DEGS1: variants seen among roughly 807,000 people sequenced by gnomAD.
DEGS1 encodes the protein delta 4-desaturase, sphingolipid 1.
In DEGS1, 17 loss-of-function variants were observed where a neutral mutation model predicts 24.1. The observed-to-expected ratio is 0.70, with a 90% CI of 0.48 to 1.06. DEGS1 has a LOEUF of 1.06. Ranked by LOEUF, DEGS1 falls within the 50% of genes least tolerant of loss-of-function variation. DEGS1 has a pLI of 0.00. For synonymous variants in DEGS1, 134 were observed against 140.0 expected, an observed-to-expected ratio of 0.96 and a Z score of 0.30; for missense variants, 366 against 408.9, an observed-to-expected ratio of 0.90 and a Z score of 0.91.
In DEGS1 at chr1:224,186,570, G is replaced by A. The variant is rs539292805; in HGVS notation, c.83-3007G>A. ...CTACTAAAAATACAAAAAATTAGCC[G>A]GGCGTGGCGGCAGCCACCTGTAGTC... On this transcript the variant is annotated intron_variant, in intron 1 of 2. Transcript: ENST00000323699. Among the ~76,000 whole-genome samples, 8 of 152,074 alleles carry A rather than the reference G, an allele frequency of 5.3e-5. No individual in the cohort carries two copies. The East Asian group carries it at 1.4e-3, about 26-fold the overall frequency.
chr1:224,184,555 A>T (rs935950344), intron 1 of DEGS1, among the ~76,000 whole-genome samples: 1 of 152,004 alleles, frequency 6.6e-6, no homozygotes, highest in Non-Finnish European at 1.5e-5. Context: ...TCTGTTGCTC[A>T]TGCTGGAGTG....
chr1:224,189,933 G>A lies in DEGS1; in HGVS notation c.439G>A (p.Asp147Asn), dbSNP rs762972131. ...ADGVDVDIPT[D>N]FEGWFFCTAF... ...TGGCGTCGATGTAGATATTCCTACC[G>A]ATTTTGAGGGCTGGTTCTTCTGTAC... Residue 147 changes from aspartate (D) to asparagine (N), a missense_variant, in exon 2 of 3, where the codon GAT (aspartate) becomes AAT (asparagine). Asp to Asn is a conservative substitution (Grantham distance 23, BLOSUM62 1). Transcript: ENST00000323699. The A allele has an allele frequency of 1.1e-5, 18 of 1,614,164 alleles. No individual in the cohort carries two copies. The highest frequency in any genetic ancestry group is 1.4e-5 in the Non-Finnish European group (16 of 1,180,032).
Position 224,183,254 on chromosome 1 carries a change from G to A in DEGS1, c.-83G>A. 1.5e-6 allele frequency: 2 copies of A among 1,295,912 alleles called. No homozygotes were observed. The highest frequency in any genetic ancestry group is 1.0e-6 in the Non-Finnish European group (1 of 967,254). The allele number at this position is 1,295,912 out of a possible 1,614,324, so 80.3% of individuals were successfully genotyped here. ...AGCCGGCCGACACCACACCAGCCGG[G>A]GAGCCGCCGCCGCCGCCGCCACCTC... On this transcript the variant is annotated 5_prime_UTR_variant, in exon 1 of 3. Transcript: ENST00000323699.
Position 224,190,320 on chromosome 1 carries a change from G to GA in DEGS1, c.825+1_825+2insA. Reference sequence around the variant, plus strand: ...CATTCCTGGAAAAAGTCTTCCACTGGTAAGTAAAGGATTTGATACATATTC... The same window carrying GA: ...CATTCCTGGAAAAAGTCTTCCACTGGATAAGTAAAGGATTTGATACATATTC... On this transcript the variant is annotated splice_donor_variant, in intron 2 of 2. Transcript: ENST00000323699. LOFTEE classifies it high-confidence loss of function. 1 of 1,486,680 alleles carries GA rather than the reference G, an allele frequency of 6.7e-7. No individual in the cohort carries two copies. Among genetic ancestry groups the GA allele is most frequent in the Non-Finnish European group, 8.9e-7 (1 of 1,120,604 alleles). 92.1% of individuals were successfully genotyped at this position (1,486,680 alleles called of 1,614,324 possible).
At chr1:224,186,281 C>T (rs977017641) in intron 1 of DEGS1, among the ~76,000 whole-genome samples, 1 of 152,124 alleles carries the variant, frequency 6.6e-6, no homozygotes, top group Non-Finnish European at 1.5e-5. Context: ...GCGTTCCAGC[C>T]TGGGCAACAG....
chr1:224,183,529 C>T (rs1658290876), intron 1 of DEGS1, 111 bp downstream of exon 1: 3 of 811,256 alleles, frequency 3.7e-6, no homozygotes, highest in Admixed American at 4.5e-5. Flanking sequence ...CCGTTAGCAG[C>T]CTGCTCCCCG....
chr1:224,185,716 C>T (rs959466355), intron 1 of DEGS1, among the ~76,000 whole-genome samples: 2 of 152,068 alleles, frequency 1.3e-5, no homozygotes, highest in African/African-American at 4.8e-5. Context: ...CCACATTGGC[C>T]AGGCTGGTCT....
chr1:224,187,236 A>T (rs1211167389), intron 1 of DEGS1, among the ~76,000 whole-genome samples: 1 of 151,996 alleles, frequency 6.6e-6, no homozygotes, highest in Non-Finnish European at 1.5e-5. Context: ...TGAACCCAGG[A>T]GGCAGAGGGT....
At chr1:224,186,829 G>T (rs1404212600) in intron 1 of DEGS1, among the ~76,000 whole-genome samples, 1 of 151,972 alleles carries the variant, frequency 6.6e-6, no homozygotes, top group African/African-American at 2.4e-5. Flanking sequence ...GTGGGAGATG[G>T]AATAACCTGT....
intron 2 of DEGS1, among the ~76,000 whole-genome samples, chr1:224,190,812 C>T (rs1254035170): frequency 6.6e-6 from 1 of 151,978 alleles, no homozygotes; most frequent in Non-Finnish European, 1.5e-5. Flanking sequence ...GCAGCCTCAA[C>T]TCCTGGGTCA....
At chr1:224,185,874 C>G (rs764355982) in intron 1 of DEGS1, among the ~76,000 whole-genome samples, 2 of 152,126 alleles carry the variant, frequency 1.3e-5, no homozygotes, top group African/African-American at 2.4e-5. Context: ...AAAACCAACT[C>G]TGGAATACTG....
At position 224,192,424 on chromosome 1, in the gene DEGS1, A is replaced by T. The variant is rs776834739; in HGVS notation, c.918A>T (p.Ile306=). The T allele has an allele frequency of 2.5e-6, 4 of 1,613,652 alleles. No individual in the cohort carries two copies. Among genetic ancestry groups the T allele is most frequent in the Admixed American group, 1.7e-5 (1 of 59,946 alleles). ...VLYDFVMDDT[I]SPYSRMKRHQ... ...ATGATTTTGTGATGGATGATACAAT[A>T]AGTCCCTACTCAAGAATGAAGAGGC... Residue 306 remains isoleucine, a synonymous_variant, in exon 3 of 3, where the codon ATA becomes ATT. Coordinates refer to ENST00000323699, the MANE Select transcript of DEGS1 (RefSeq NM_003676.4).
At chr1:224,185,749 C>T (rs1572040403) in intron 1 of DEGS1, among the ~76,000 whole-genome samples, 2 of 152,332 alleles carry the variant, frequency 1.3e-5, no homozygotes, top group East Asian at 3.9e-4. Flanking sequence ...CTGCCATGGC[C>T]TCCCAAAGTC....
At chr1:224,190,385 TCTCA>T (rs1469312471) in intron 2 of DEGS1, 66 bp downstream of exon 2, 18 of 1,386,448 alleles carry the variant, frequency 1.3e-5, no homozygotes, top group East Asian at 2.6e-5. Flanking sequence ...TGAGACGGTG[TCTCA>T]CTCAGTCGCC....
chr1:224,189,761 T>C lies in DEGS1; in HGVS notation c.267T>C (p.His89=), dbSNP rs1658485957. 2 of 1,609,512 alleles carry C rather than the reference T, an allele frequency of 1.2e-6. No homozygotes were observed. Among genetic ancestry groups the C allele is most frequent in the Non-Finnish European group, 8.5e-7 (1 of 1,175,846 alleles). The change falls in exon 2 of 3, where the codon CAT becomes CAC. Residue 89 remains histidine (H), a synonymous_variant. Transcript: ENST00000323699. Reference sequence around the variant, plus strand: ...ACCACTCAATGACTCTGGCTATTCATGAGATTGCCCACAATGCTGCCTTTG... The same window carrying C: ...ACCACTCAATGACTCTGGCTATTCACGAGATTGCCCACAATGCTGCCTTTG... ...CINHSMTLAI[H]EIAHNAAFGN...
chr1:224,192,432 A>G lies in DEGS1; in HGVS notation c.926A>G (p.Tyr309Cys). The G allele has an allele frequency of 6.2e-7, 1 of 1,612,994 alleles. No individual in the cohort carries two copies. Among genetic ancestry groups the G allele is most frequent in the Non-Finnish European group, 8.5e-7 (1 of 1,179,642 alleles). Residue 309 changes from tyrosine (Y) to cysteine (C), a missense_variant, in exon 3 of 3, where the codon TAC becomes TGC. Transcript: ENST00000323699. ...DFVMDDTISP[Y>C]SRMKRHQKGE... ...GTGATGGATGATACAATAAGTCCCT[A>G]CTCAAGAATGAAGAGGCACCAAAAA...
intron 1 of DEGS1, among the ~76,000 whole-genome samples, chr1:224,188,560 G>T (rs1166669134): frequency 6.6e-6 from 1 of 152,098 alleles, no homozygotes; most frequent in Non-Finnish European, 1.5e-5. Flanking sequence ...GTGTGAGGTG[G>T]TATCTATGGT....
intron 1 of DEGS1, 21 bp downstream of exon 1, chr1:224,183,439 C>T: frequency 1.5e-6 from 2 of 1,356,754 alleles, no homozygotes; most frequent in Non-Finnish European, 1.9e-6. Context: ...GCGGGCGCCC[C>T]GTTATGTGCG....
At chr1:224,188,055 A>G (rs1355395995) in intron 1 of DEGS1, among the ~76,000 whole-genome samples, 1 of 151,232 alleles carries the variant, frequency 6.6e-6, no homozygotes, top group African/African-American at 2.4e-5. Flanking sequence ...TTGGCCTCTC[A>G]GAGTGCTGGC....
Sources: allele counts gnomAD v4.1 joint callset (sites outside exome capture counted in the v4.1 genomes callset), GRCh38; gene constraint gnomAD v4.1.1; transcripts MANE v1.5; gene names NCBI Gene and HGNC (gene_info 2026-07-23, HGNC 2026-07-21).